The following MIPOL1 variants were observed in gnomAD, a reference collection of about 807,000 sequenced individuals.
The protein encoded by MIPOL1 is mirror-image polydactyly 1, also known as mirror-image polydactyly gene 1 protein.
In MIPOL1, 57 loss-of-function variants were observed where a neutral mutation model predicts 60.9. The ratio of observed to expected loss-of-function variants is 0.94; its 90% confidence interval spans 0.76 to 1.17. The LOEUF is 1.17. MIPOL1 is among the 50% of genes most tolerant of loss of function. The pLI is 0.00. For missense variants in MIPOL1, 551 were observed against 511.6 expected (o/e 1.08, Z -0.74); for synonymous variants, 179 against 168.8 (o/e 1.06, Z -0.47).
At chr14:37,503,229 G>A (rs1347200140) in intron 12 of MIPOL1, 1 of 152,066 alleles carries the variant, frequency 6.6e-6, no homozygotes, top group East Asian at 1.9e-4. Context: ...ACCTAGCAAG[G>A]CAGGCCAACA....
intron 10 of MIPOL1, among the ~76,000 whole-genome samples, chr14:37,407,932 C>T (rs1266189549): frequency 6.9e-6 from 1 of 145,880 alleles, no homozygotes; most frequent in East Asian, 2.1e-4. Flanking sequence ...TCACTGCAAC[C>T]TGGAACTCCA....
chr14:37,456,287 T>C (rs2094475680), intron 11 of MIPOL1, among the ~76,000 whole-genome samples: 1 of 152,080 alleles, frequency 6.6e-6, no homozygotes, highest in Admixed American at 6.6e-5. Flanking sequence ...CAGATACATA[T>C]TCCTCAACCT....
chr14:37,205,301 A>T (rs1443177755), intron 1 of MIPOL1, among the ~76,000 whole-genome samples: 2 of 151,924 alleles, frequency 1.3e-5, no homozygotes, highest in African/African-American at 4.8e-5. Flanking sequence ...ACAGGATTTC[A>T]TCATGTTGGC....
At chr14:37,452,023 G>A (rs1283368253) in intron 11 of MIPOL1, among the ~76,000 whole-genome samples, 3 of 151,402 alleles carry the variant, frequency 2.0e-5, no homozygotes, top group Non-Finnish European at 4.4e-5. Context: ...CACCGTGTTA[G>A]CCAGGATGGT....
intron 12 of MIPOL1, among the ~76,000 whole-genome samples, chr14:37,518,216 G>A (rs371911897): frequency 6.6e-6 from 1 of 152,142 alleles, no homozygotes; most frequent in African/African-American, 2.4e-5. Context: ...TATGTATATT[G>A]TTGGATTGAG....
intron 9 of MIPOL1, among the ~76,000 whole-genome samples, chr14:37,323,323 C>T (rs2088813835): frequency 6.6e-6 from 1 of 151,934 alleles, no homozygotes; most frequent in South Asian, 2.1e-4. Flanking sequence ...CTGTTATGTT[C>T]CATTGGTCTA....
chr14:37,295,226 A>G (rs2085521644), intron 7 of MIPOL1, among the ~76,000 whole-genome samples: 1 of 152,210 alleles, frequency 6.6e-6, no homozygotes, highest in Non-Finnish European at 1.5e-5. Flanking sequence ...TGAAGGAGAA[A>G]TAAAATACTT....
At chr14:37,225,134 C>G (rs1381506686) in intron 1 of MIPOL1, among the ~76,000 whole-genome samples, 1 of 152,164 alleles carries the variant, frequency 6.6e-6, no homozygotes, top group Admixed American at 6.5e-5. Context: ...GTACAGCCTC[C>G]CTCCCAGCTG....
chr14:37,225,706 G>A (rs1969599213), intron 1 of MIPOL1, among the ~76,000 whole-genome samples: 3 of 151,530 alleles, frequency 2.0e-5, no homozygotes, highest in Non-Finnish European at 4.4e-5. Flanking sequence ...CCATTGTCTT[G>A]GGGATTAATA....
At chr14:37,303,494 C>T (rs1039552808) in intron 7 of MIPOL1, among the ~76,000 whole-genome samples, 5 of 151,850 alleles carry the variant, frequency 3.3e-5, no homozygotes, top group Non-Finnish European at 7.4e-5. Context: ...TTAAATTGAG[C>T]CTATCATTCT....
At chr14:37,428,527 G>A (rs2094005082) in intron 11 of MIPOL1, among the ~76,000 whole-genome samples, 1 of 152,148 alleles carries the variant, frequency 6.6e-6, no homozygotes, top group Admixed American at 6.6e-5. Flanking sequence ...GGCAGAGGTT[G>A]CCGTGGGTGG....
intron 1 of MIPOL1, among the ~76,000 whole-genome samples, chr14:37,243,325 G>A (rs1483949702): frequency 2.6e-5 from 4 of 152,086 alleles, no homozygotes; most frequent in African/African-American, 9.7e-5. Context: ...GATTCTTTTG[G>A]GAAGAGAACG....
intron 9 of MIPOL1, among the ~76,000 whole-genome samples, chr14:37,362,523 C>G (rs1033083058): frequency 6.6e-6 from 1 of 152,190 alleles, no homozygotes; most frequent in Non-Finnish European, 1.5e-5. Flanking sequence ...TGACCTTTCT[C>G]TCTGGCTGCA....
intron 11 of MIPOL1, among the ~76,000 whole-genome samples, chr14:37,434,943 A>G (rs564398199): frequency 6.6e-6 from 1 of 152,030 alleles, no homozygotes; most frequent in Non-Finnish European, 1.5e-5. Context: ...AAGTTGACAC[A>G]TAAAATTAAC....
intron 1 of MIPOL1, among the ~76,000 whole-genome samples, chr14:37,236,020 G>A (rs1321721243): frequency 6.6e-6 from 1 of 151,356 alleles, no homozygotes; most frequent in Non-Finnish European, 1.5e-5. Flanking sequence ...TCCGCCTCCC[G>A]GGTTCAAATG....
chr14:37,330,456 T>A (rs1364274495), intron 9 of MIPOL1, among the ~76,000 whole-genome samples: 1 of 152,134 alleles, frequency 6.6e-6, no homozygotes, highest in Non-Finnish European at 1.5e-5. Flanking sequence ...TAATTCTAAT[T>A]TAACTTTAAT....
At chr14:37,246,120 T>C (rs1973160513) in intron 1 of MIPOL1, among the ~76,000 whole-genome samples, 1 of 152,100 alleles carries the variant, frequency 6.6e-6, no homozygotes, top group Admixed American at 6.6e-5. Context: ...GTATTGAATA[T>C]TTTGTTTTAC....
intron 1 of MIPOL1, among the ~76,000 whole-genome samples, chr14:37,206,447 A>G (rs1016676582): frequency 1.3e-5 from 2 of 152,326 alleles, no homozygotes; most frequent in Non-Finnish European, 2.9e-5. Flanking sequence ...AGTTTGCTAC[A>G]GGGATGGGGC....
intron 9 of MIPOL1, among the ~76,000 whole-genome samples, chr14:37,362,902 G>T (rs80194073): frequency 0.01 from 1,555 of 152,130 alleles, 23 homozygotes; most frequent in African/African-American, 0.035. Context: ...GATTGAATCG[G>T]CTATTGAAGC....
Sources: gnomAD v4.1 joint callset for allele counts (sites outside exome capture counted in the v4.1 genomes callset) on GRCh38, gnomAD v4.1.1 for gene constraint, MANE v1.5 for transcripts, NCBI Gene and HGNC (gene_info 2026-07-23, HGNC 2026-07-21) for gene names.